The following IL17RD variants were observed in gnomAD, a reference collection of about 807,000 sequenced individuals.
The protein encoded by IL17RD is interleukin-17 receptor D.
A neutral mutation model predicts 80.5 loss-of-function variants in IL17RD; 52 were observed. The ratio of observed to expected loss-of-function variants is 0.65; its 90% confidence interval spans 0.52 to 0.81. IL17RD has a LOEUF of 0.81. Ranked by LOEUF, IL17RD falls within the 40% of genes least tolerant of loss-of-function variation. The pLI, the probability that IL17RD is intolerant of heterozygous loss-of-function variation, is 0.00. For synonymous variants in IL17RD, 416 were observed against 391.8 expected (o/e 1.06, Z -0.73); for missense variants, 1,024 against 955.1 (o/e 1.07, Z -0.95).
At chr3:57,122,931 T>G (rs193268547) in intron 1 of IL17RD, among the ~76,000 whole-genome samples, 71 of 152,154 alleles carry the variant, frequency 4.7e-4, no homozygotes, top group Admixed American at 2.7e-3. Flanking sequence ...AGCTTTTTTT[T>G]TTGTTCCAGT....
In IL17RD at chr3:57,103,133, T is replaced by C. The variant is rs753118529; in HGVS notation, c.826A>G (p.Thr276Ala). 5.6e-6 allele frequency: 9 copies of C among 1,603,280 alleles called. No individual in the cohort carries two copies. The Middle Eastern group carries it at 6.6e-4, about 117-fold the overall frequency. ...GDYIIELVDDTNTTRKVMHYA... is the reference protein window; with the variant it reads ...GDYIIELVDDANTTRKVMHYA... ...TGCATCACTTTTCTTGTTGTGTTAG[T>C]GTCATCCACCAGCTGCAAAACAGAG... Residue 276 changes from threonine to alanine, a missense_variant, in exon 9 of 13, where the codon ACT becomes GCT. Physicochemically the swap from Thr to Ala is moderately conservative, Grantham distance 58. Coordinates refer to ENST00000296318, the MANE Select transcript of IL17RD (RefSeq NM_017563.5).
chr3:57,135,339 C>T (rs1471792046), intron 1 of IL17RD, among the ~76,000 whole-genome samples: 1 of 152,190 alleles, frequency 6.6e-6, no homozygotes. Context: ...TGTGCCACTT[C>T]CTGCCTGCCA....
Position 57,106,205 on chromosome 3 carries a change from T to C in IL17RD, c.551-51A>G, listed in dbSNP as rs978502727. On this transcript the variant is annotated intron_variant, in intron 5 of 12. Coordinates refer to ENST00000296318, the MANE Select transcript of IL17RD (RefSeq NM_017563.5). The stretch of plus-strand genomic sequence containing the variant: ...TTTTAGTTTTAGGACAGTTAGACAT[T>C]TTCCTCTCCCAACAACCCAATGAAA... 13 of 1,376,086 alleles carry C rather than the reference T, an allele frequency of 9.4e-6. No individual in the cohort carries two copies. In the African/African-American group the frequency reaches 1.4e-4, roughly 15 times the overall value. The allele number at this position is 1,376,086 out of a possible 1,614,324, so 85.2% of individuals were successfully genotyped here.
chr3:57,150,748 AT>A (rs1363010816), intron 1 of IL17RD, among the ~76,000 whole-genome samples: 3 of 152,120 alleles, frequency 2.0e-5, no homozygotes, highest in African/African-American at 4.8e-5. Context: ...AACTCAAAAT[AT>A]TTTTTCCTCC....
chr3:57,165,032 G>A (rs1003971506), intron 1 of IL17RD, 129 bp downstream of exon 1: 4 of 1,355,688 alleles, frequency 3.0e-6, no homozygotes, highest in Non-Finnish European at 3.8e-6. Context: ...GGAGGAGTGA[G>A]ACCCAGGCCG....
chr3:57,100,611 T>A (rs1049596368), intron 11 of IL17RD, among the ~76,000 whole-genome samples: 1 of 152,238 alleles, frequency 6.6e-6, no homozygotes, highest in African/African-American at 2.4e-5. Context: ...GTCTCCTGCA[T>A]CATGAGTTTC....
At chr3:57,110,907 G>C (rs1271808040) in intron 3 of IL17RD, among the ~76,000 whole-genome samples, 2 of 152,244 alleles carry the variant, frequency 1.3e-5, no homozygotes, top group Non-Finnish European at 2.9e-5. Flanking sequence ...CCCAAGGGTT[G>C]CCCAGTGTGT....
chr3:57,109,465 T>C (rs1193315786), intron 5 of IL17RD, 72 bp downstream of exon 5: 46 of 1,559,520 alleles, frequency 2.9e-5, no homozygotes, highest in Non-Finnish European at 4.0e-5. Context: ...CTTGAACACA[T>C]TTCTGTAGAA....
chr3:57,106,994 A>G (rs1380534229), intron 5 of IL17RD, among the ~76,000 whole-genome samples: 1 of 152,186 alleles, frequency 6.6e-6, no homozygotes, highest in African/African-American at 2.4e-5. Flanking sequence ...TCATAAACAC[A>G]TTCTTTGAAT....
At chr3:57,160,324 A>G (rs2060295292) in intron 1 of IL17RD, among the ~76,000 whole-genome samples, 1 of 151,838 alleles carries the variant, frequency 6.6e-6, no homozygotes, top group Non-Finnish European at 1.5e-5. Flanking sequence ...AAAAAAAAAC[A>G]TGTTTTAGGC....
intron 1 of IL17RD, among the ~76,000 whole-genome samples, chr3:57,156,431 G>A (rs2060267451): frequency 6.6e-6 from 1 of 152,100 alleles, no homozygotes; most frequent in African/African-American, 2.4e-5. Flanking sequence ...CAGACTTGGT[G>A]GCACGTGCCT....
chr3:57,142,947 A>C (rs1317142991), intron 1 of IL17RD, among the ~76,000 whole-genome samples: 2 of 152,192 alleles, frequency 1.3e-5, no homozygotes, highest in African/African-American at 4.8e-5. Flanking sequence ...TCTGTTATAA[A>C]GTTTCCCTTC....
At chr3:57,122,072 A>C (rs1707353501) in intron 1 of IL17RD, among the ~76,000 whole-genome samples, 1 of 152,228 alleles carries the variant, frequency 6.6e-6, no homozygotes, top group Non-Finnish European at 1.5e-5. Context: ...CTGGCCCTCC[A>C]AGAATGCCCA....
intron 1 of IL17RD, among the ~76,000 whole-genome samples, chr3:57,143,616 G>A (rs749491202): frequency 3.3e-5 from 5 of 152,154 alleles, no homozygotes; most frequent in Admixed American, 3.3e-4. Context: ...ACCCAAAAAC[G>A]CTGGCCCCAC....
chr3:57,134,375 G>A (rs746337285), intron 1 of IL17RD: 5 of 696,586 alleles, frequency 7.2e-6, no homozygotes, highest in African/African-American at 3.5e-5. Context: ...GCATAAGTAA[G>A]CGAAAGGGTA....
chr3:57,153,955 T>C (rs1056693598), intron 1 of IL17RD, among the ~76,000 whole-genome samples: 1 of 152,006 alleles, frequency 6.6e-6, no homozygotes, highest in Non-Finnish European at 1.5e-5. Context: ...TCAGAAAACG[T>C]ATGCTCTAGG....
chr3:57,105,552 A>T lies in IL17RD; in HGVS notation c.747+305T>A, dbSNP rs200868752. ...ACTCCATCTCAAAAAAAAAAAAAAA[A>T]ATATATATATATATATATTTGTTCA... On this transcript the variant is annotated intron_variant, in intron 7 of 12. Coordinates refer to ENST00000296318, the MANE Select transcript of IL17RD (RefSeq NM_017563.5). 6.6e-3 allele frequency among the ~76,000 whole-genome samples: 419 copies of T among 63,566 alleles called. 13 individuals carry two copies. Among genetic ancestry groups the T allele is most frequent in the East Asian group, 0.046 (208 of 4,534 alleles). The allele number at this position is 63,566 out of a possible 152,430, so 41.7% of individuals were successfully genotyped here.
At position 57,097,693 on chromosome 3, in the gene IL17RD, G is replaced by A; in HGVS notation, c.2010C>T (p.Pro670=). Residue 670 remains proline (P), a synonymous_variant, in exon 12 of 13, where the codon CCC becomes CCT. Transcript: ENST00000296318. The part of the protein sequence containing the change: ...RDSGIYDSSV[P]SSELSLPLME... The stretch of plus-strand genomic sequence containing the variant: ...TCAGTGGCAGAGACAGCTCGGATGA[G>A]GGCACAGACGAGTCATAGATGCCTG... The A allele has an allele frequency of 1.2e-6, 2 of 1,605,400 alleles. No homozygotes were observed. Among genetic ancestry groups the A allele is most frequent in the Non-Finnish European group, 1.7e-6 (2 of 1,176,116 alleles).
intron 3 of IL17RD, among the ~76,000 whole-genome samples, chr3:57,111,096 T>C (rs1707087530): frequency 6.6e-6 from 1 of 152,222 alleles, no homozygotes; most frequent in Admixed American, 6.5e-5. Context: ...GAGACTGAAG[T>C]GGTCCAGCTG....
Sources: gnomAD v4.1 joint callset for allele counts (sites outside exome capture counted in the v4.1 genomes callset) on GRCh38, gnomAD v4.1.1 for gene constraint, MANE v1.5 for transcripts, NCBI Gene and HGNC (gene_info 2026-07-23, HGNC 2026-07-21) for gene names.